The following RYR3 variants were observed in gnomAD, a reference collection of about 807,000 sequenced individuals.
RYR3 encodes ryanodine receptor 3, also known as brain ryanodine receptor-calcium release channel.
Under a neutral mutation model 584.3 loss-of-function variants are expected in RYR3, and 207 were observed. The ratio of observed to expected loss-of-function variants is 0.35; its 90% CI spans 0.32 to 0.40. The LOEUF is 0.40. RYR3 is among the 10% of genes least tolerant of loss of function. The pLI, the probability that RYR3 is intolerant of heterozygous loss-of-function variation, is 1.00. For synonymous variants in RYR3, 2,416 were observed against 2,248.5 expected, an observed-to-expected ratio of 1.07 and a Z score of -2.11; for missense variants, 5,616 against 6,089.2, an observed-to-expected ratio of 0.92 and a Z score of 2.59.
At chr15:33,852,831 G>C (rs1396055415) in intron 94 of RYR3, 2 of 482,068 alleles carry the variant, frequency 4.1e-6, no homozygotes, top group African/African-American at 2.0e-5. Flanking sequence ...GTGGCCTTCT[G>C]AGTGTTTCAA....
chr15:33,589,648 G>C (rs2059027978), intron 16 of RYR3, among the ~76,000 whole-genome samples: 1 of 152,134 alleles, frequency 6.6e-6, no homozygotes, highest in South Asian at 2.1e-4. Context: ...TTTAGTGAAA[G>C]AGAGGGATCC....
intron 99 of RYR3, 108 bp from the exon 100 acceptor site, chr15:33,859,466 CG>C: frequency 8.1e-7 from 1 of 1,235,022 alleles, no homozygotes; most frequent in Non-Finnish European, 1.2e-6. Context: ...GTTCCCCTCT[CG>C]TGGCTTAGGG....
intron 1 of RYR3, among the ~76,000 whole-genome samples, chr15:33,402,563 C>A (rs541888347): frequency 6.6e-6 from 1 of 152,348 alleles, no homozygotes; most frequent in East Asian, 1.9e-4. Context: ...CTATTTAGAG[C>A]TGATTTATGA....
intron 67 of RYR3, among the ~76,000 whole-genome samples, chr15:33,798,175 G>A (rs1277855000): frequency 4.0e-5 from 6 of 151,848 alleles, no homozygotes; most frequent in South Asian, 2.1e-4. Flanking sequence ...TGCAACCTCC[G>A]CCTCCCAGGC....
chr15:33,809,942 C>A (rs1230170866), intron 70 of RYR3, among the ~76,000 whole-genome samples: 1 of 152,170 alleles, frequency 6.6e-6, no homozygotes, highest in Non-Finnish European at 1.5e-5. Context: ...TCCTAACTTT[C>A]CTTCAGCTGG....
intron 93 of RYR3, among the ~76,000 whole-genome samples, chr15:33,847,774 G>A (rs1246896517): frequency 1.3e-5 from 2 of 152,212 alleles, no homozygotes; most frequent in African/African-American, 2.4e-5. Flanking sequence ...ACTTCATACA[G>A]AAAGACTGAA....
chr15:33,799,590 C>G (rs936978873), intron 67 of RYR3, among the ~76,000 whole-genome samples: 2 of 152,200 alleles, frequency 1.3e-5, no homozygotes, highest in African/African-American at 4.8e-5. Context: ...TTGGCTATTC[C>G]TTGGTTGTGT....
Position 33,652,810 on chromosome 15 carries a change from G to T in RYR3, c.4235G>T (p.Gly1412Val). The T allele has an allele frequency of 6.2e-7, 1 of 1,613,862 alleles. No homozygotes were observed. Among genetic ancestry groups the T allele is most frequent in the Non-Finnish European group, 8.5e-7 (1 of 1,179,838 alleles). The stretch of plus-strand genomic sequence containing the variant: ...CGGAGCAACGTGGACCTGGAGATCG[G>T]CTGTCTCGTGGATCTGGCCATGGGC... ...SNRSNVDLEI[G>V]CLVDLAMGML... The change falls in exon 32 of 104, where the codon GGC becomes GTC. Residue 1412 changes from glycine to valine, a missense_variant. Physicochemically the swap from Gly to Val is moderately radical, Grantham distance 109. Transcript: ENST00000634891.
chr15:33,463,451 A>G (rs951086584), intron 1 of RYR3, among the ~76,000 whole-genome samples: 1 of 151,936 alleles, frequency 6.6e-6, no homozygotes, highest in Admixed American at 6.6e-5. Context: ...TTTTATAGAA[A>G]ATCCTTCTGT....
chr15:33,755,554 A>G (rs778120676), intron 58 of RYR3, among the ~76,000 whole-genome samples: 10 of 152,056 alleles, frequency 6.6e-5, no homozygotes, highest in African/African-American at 2.4e-4. Flanking sequence ...CCTGGGAGGC[A>G]GAGGTTGCAG....
intron 18 of RYR3, among the ~76,000 whole-genome samples, chr15:33,606,272 C>G (rs566282343): frequency 6.6e-5 from 10 of 152,184 alleles, no homozygotes; most frequent in Admixed American, 6.5e-5. Context: ...AAGTCCCTGA[C>G]ACACATTAGA....
At chr15:33,339,923 T>A (rs1205135067) in intron 1 of RYR3, among the ~76,000 whole-genome samples, 2 of 150,654 alleles carry the variant, frequency 1.3e-5, no homozygotes, top group Non-Finnish European at 2.9e-5. Context: ...ACCTTAGTCG[T>A]GGAACACCAA....
intron 1 of RYR3, among the ~76,000 whole-genome samples, chr15:33,381,500 C>G (rs923166860): frequency 6.6e-6 from 1 of 152,202 alleles, no homozygotes; most frequent in Non-Finnish European, 1.5e-5. Flanking sequence ...CCTCCACTAT[C>G]CTCTGCTGCC....
At chr15:33,632,471 C>A (rs796634298) in intron 23 of RYR3, among the ~76,000 whole-genome samples, 4 of 152,312 alleles carry the variant, frequency 2.6e-5, no homozygotes, top group African/African-American at 9.6e-5. Flanking sequence ...TGACATCATT[C>A]TTTTTTTAAT....
intron 1 of RYR3, among the ~76,000 whole-genome samples, chr15:33,328,615 A>G (rs1216153594): frequency 6.6e-6 from 1 of 152,170 alleles, no homozygotes; most frequent in Non-Finnish European, 1.5e-5. Context: ...TATATTTCCT[A>G]TGCTTTAGTT....
intron 10 of RYR3, among the ~76,000 whole-genome samples, chr15:33,553,211 A>G (rs375969238): frequency 1.3e-5 from 2 of 152,140 alleles, no homozygotes; most frequent in East Asian, 3.9e-4. Flanking sequence ...GGAGAAAAAG[A>G]GGCTCTTGGG....
In RYR3 at chr15:33,663,047, A is replaced by G. The variant is rs187399752; in HGVS notation, c.5418+99A>G. The stretch of plus-strand genomic sequence containing the variant: ...AGGATTAAAGGAGGTAAGGTATGTC[A>G]AGTGCTTGGCATAGTGACTGACCAA... On this transcript the variant is annotated intron_variant, in intron 35 of 103. Transcript: ENST00000634891. 1.1e-5 allele frequency: 12 copies of G among 1,106,766 alleles called. No individual in the cohort carries two copies. In the Admixed American group the frequency reaches 2.0e-4, roughly 19 times the overall value. 68.6% of individuals were successfully genotyped at this position (1,106,766 alleles called of 1,614,324 possible). A position where few individuals can be genotyped will look rare whatever the true frequency, so the allele number is the denominator to read the frequency against.
intron 35 of RYR3, 92 bp downstream of exon 35, chr15:33,663,040 G>C: frequency 8.6e-7 from 1 of 1,165,438 alleles, no homozygotes; most frequent in South Asian, 1.4e-5. Context: ...AGGAGGTAAG[G>C]TATGTCAAGT....
intron 94 of RYR3, chr15:33,852,685 C>G (rs1161255078): frequency 5.1e-6 from 1 of 196,368 alleles, no homozygotes; most frequent in African/African-American, 2.4e-5. Context: ...GAATGGAATG[C>G]CTGTGTTTTC....
Sources: allele counts gnomAD v4.1 joint callset (sites outside exome capture counted in the v4.1 genomes callset), GRCh38; gene constraint gnomAD v4.1.1; transcripts MANE v1.5; gene names NCBI Gene and HGNC (gene_info 2026-07-23, HGNC 2026-07-21).